ATP1A2: variants seen among roughly 807,000 people sequenced by gnomAD.
ATP1A2 encodes ATPase Na+/K+ transporting subunit alpha 2.
A neutral mutation model predicts 113.1 loss-of-function variants in ATP1A2; 56 were observed. The observed-to-expected ratio is 0.49, with a 90% confidence interval of 0.40 to 0.62. The LOEUF (loss-of-function observed/expected upper bound fraction) is 0.62, where lower values mean the gene tolerates loss of function less well. Ranked by LOEUF, ATP1A2 falls within the 20% of genes least tolerant of loss-of-function variation. ATP1A2 has a pLI of 0.00. For synonymous variants in ATP1A2, 490 were observed against 526.8 expected (o/e 0.93, Z 0.96); for missense variants, 712 against 1,357.8 (o/e 0.52, Z 7.47).
At chr1:160,116,651 A>G (rs1258251668) in intron 1 of ATP1A2, among the ~76,000 whole-genome samples, 1 of 152,118 alleles carries the variant, frequency 6.6e-6, no homozygotes, top group African/African-American at 2.4e-5. Context: ...CTTGGAAATG[A>G]AATTCCCATA....
chr1:160,129,347 G>A lies in ATP1A2; in HGVS notation c.1408G>A (p.Asp470Asn). ...LSCGSVRKMR[D>N]RNPKVAEIPF... ...CTGTGGCTCAGTGAGGAAAATGAGA[G>A]ACAGAAACCCCAAGGTGGCAGAGAT... The change falls in exon 11 of 23, where the codon GAC becomes AAC. Residue 470 changes from aspartate (D) to asparagine (N), a missense_variant. Asp to Asn is a conservative substitution (Grantham distance 23). Coordinates refer to ENST00000361216, the MANE Select transcript of ATP1A2 (RefSeq NM_000702.4). 1 of 1,614,174 alleles carries A rather than the reference G, an allele frequency of 6.2e-7. No individual in the cohort carries two copies. Among genetic ancestry groups the A allele is most frequent in the Non-Finnish European group, 8.5e-7 (1 of 1,180,036 alleles).
chr1:160,130,989 G>A (rs1328806085), intron 13 of ATP1A2, among the ~76,000 whole-genome samples: 2 of 152,136 alleles, frequency 1.3e-5, no homozygotes, highest in Non-Finnish European at 2.9e-5. Context: ...TGCTCCCAGT[G>A]GCTCAGCCCA....
At chr1:160,122,655 C>T (rs2854247) in intron 3 of ATP1A2, among the ~76,000 whole-genome samples, 145,506 of 152,218 alleles carry the variant, frequency 0.96, 69,890 homozygotes, top group East Asian at 1. Context: ...GTGACACTGA[C>T]GGTCAATAAT....
At chr1:160,126,323 G>A (rs572475234) in intron 7 of ATP1A2, among the ~76,000 whole-genome samples, 3 of 151,990 alleles carry the variant, frequency 2.0e-5, no homozygotes, top group African/African-American at 7.3e-5. Flanking sequence ...TTTTAAATTT[G>A]TATTATTTTT....
At chr1:160,128,442 T>C (rs1651653893) in intron 8 of ATP1A2, 2 of 1,463,410 alleles carry the variant, frequency 1.4e-6, no homozygotes. Context: ...GTCAAACGTC[T>C]TAAACCCCCT....
At chr1:160,124,266 A>T in intron 5 of ATP1A2, 30 bp from the exon 6 acceptor site, 1 of 1,578,762 alleles carries the variant, frequency 6.3e-7, no homozygotes, top group Non-Finnish European at 8.6e-7. Context: ...AGAGACAAGC[A>T]TTTCATGAGC....
intron 3 of ATP1A2, 161 bp downstream of exon 3, chr1:160,121,412 C>A: frequency 1.2e-6 from 1 of 831,736 alleles, no homozygotes; most frequent in Non-Finnish European, 2.0e-6. Flanking sequence ...TAGTTGGTGG[C>A]ACAGCCAGAA....
chr1:160,127,517 C>T lies in ATP1A2; in HGVS notation c.749-35C>T, dbSNP rs772312052. ...ATGGGACTGCAGTCCCTGGGAGCCA[C>T]AAGGCACCCAACCTGATGCCCCACC... On this transcript the variant is annotated intron_variant, in intron 7 of 22. Transcript: ENST00000361216. 2.0e-5 allele frequency: 32 copies of T among 1,613,670 alleles called. No homozygotes were observed. In the South Asian group the frequency reaches 2.2e-4, roughly 11 times the overall value.
At chr1:160,133,072 T>A (rs1651818833) in intron 13 of ATP1A2, among the ~76,000 whole-genome samples, 2 of 152,010 alleles carry the variant, frequency 1.3e-5, no homozygotes, top group Admixed American at 1.3e-4. Context: ...GTGTTTAAAC[T>A]TGAGCCCCTC....
At position 160,141,953 on chromosome 1, in the gene ATP1A2, G is replaced by C. The variant is rs976705833; in HGVS notation, c.*631G>C. 6.2e-6 allele frequency: 1 copy of C among 160,036 alleles called. No homozygotes were observed. Among genetic ancestry groups the C allele is most frequent in the African/African-American group, 2.4e-5 (1 of 41,566 alleles). The allele number at this position is 160,036 out of a possible 1,614,324, so 9.9% of individuals were successfully genotyped here. A position where few individuals can be genotyped will look rare whatever the true frequency, so the allele number is the denominator to read the frequency against. On this transcript the variant is annotated 3_prime_UTR_variant, in exon 23 of 23. Coordinates refer to ENST00000361216, the MANE Select transcript of ATP1A2 (RefSeq NM_000702.4). ...TGGCTGGAGGAAGGAAACAACAAAG[G>C]AAGTGAGGTAGTGCCAATGACAGGA...
rs758390876 is a variant in ATP1A2 at position 160,130,483 on chromosome 1, T to A, written c.1713T>A (p.Asp571Glu). The change falls in exon 13 of 23, where the codon GAT becomes GAA. Residue 571 changes from aspartate (D) to glutamate (E), a missense_variant. Transcript: ENST00000361216. ...CTCGGGGCTTCAAATTCGACACGGA[T>A]GAGCTGAACTTTCCCACGGAGAAGC... ...KFPRGFKFDTDELNFPTEKLC... is the reference protein window; with the variant it reads ...KFPRGFKFDTEELNFPTEKLC... The A allele has an allele frequency of 1.1e-5, 17 of 1,614,224 alleles. No homozygotes were observed. The highest frequency in any genetic ancestry group is 1.3e-5 in the Non-Finnish European group (15 of 1,180,038).
In ATP1A2 at chr1:160,128,965, C is replaced by A; in HGVS notation, c.1217-15C>A. ...AAGGGAGCCACGCTCCTGGTTCCCC[C>A]TCATTTCCTCCCAGGGGCCACTTTT... On this transcript the variant is annotated splice_polypyrimidine_tract_variant and intron_variant, in intron 9 of 22. Coordinates refer to ENST00000361216, the MANE Select transcript of ATP1A2 (RefSeq NM_000702.4). 1 of 1,597,410 alleles carries A rather than the reference C, an allele frequency of 6.3e-7. No homozygotes were observed.
At chr1:160,132,334 A>T (rs1651800195) in intron 13 of ATP1A2, among the ~76,000 whole-genome samples, 1 of 152,166 alleles carries the variant, frequency 6.6e-6, no homozygotes, top group African/African-American at 2.4e-5. Flanking sequence ...CCTGCAGGCC[A>T]CAGAGAGCCA....
Position 160,135,639 on chromosome 1 carries a change from T to C in ATP1A2, c.2284+37T>C, listed in dbSNP as rs755279342. On this transcript the variant is annotated intron_variant, in intron 16 of 22. Transcript: ENST00000361216. The surrounding 1 kb of genome is among the most constrained non-coding windows in gnomAD (Gnocchi z 6.3). ...GCATGGGTTGGGATGGTTTGCAGGA[T>C]ACTGAAGCCGGCACCTCTGTTCCCT... The C allele has an allele frequency of 9.3e-6, 15 of 1,612,556 alleles. 1 individual carries two copies. Among genetic ancestry groups the C allele is most frequent in the Non-Finnish European group, 1.3e-5 (15 of 1,179,998 alleles).
intron 13 of ATP1A2, among the ~76,000 whole-genome samples, chr1:160,131,760 G>A (rs1375190508): frequency 1.3e-5 from 2 of 152,004 alleles, no homozygotes; most frequent in Non-Finnish European, 2.9e-5. Flanking sequence ...GAACCCGGGA[G>A]GCAGAGGTTG....
intron 8 of ATP1A2, among the ~76,000 whole-genome samples, chr1:160,128,029 T>A (rs543707805): frequency 6.6e-6 from 1 of 152,316 alleles, no homozygotes; most frequent in South Asian, 2.1e-4. Context: ...CAGTTTCTCT[T>A]TTGGAGCTTG....
intron 8 of ATP1A2, 95 bp from the exon 9 acceptor site, chr1:160,128,557 T>C (rs1383844538): frequency 6.3e-7 from 1 of 1,587,178 alleles, no homozygotes; most frequent in African/African-American, 1.3e-5. Flanking sequence ...TGGAGTAGAA[T>C]CAGGGGAGGA....
intron 20 of ATP1A2, among the ~76,000 whole-genome samples, chr1:160,138,049 G>A (rs1366673250): frequency 6.6e-6 from 1 of 152,174 alleles, no homozygotes; most frequent in Non-Finnish European, 1.5e-5. Context: ...TGCACTGCAG[G>A]GATGACACAC....
At chr1:160,130,834 T>C (rs1651749534) in intron 13 of ATP1A2, among the ~76,000 whole-genome samples, 1 of 152,192 alleles carries the variant, frequency 6.6e-6, no homozygotes. Flanking sequence ...CTGGCACAGC[T>C]CTTTGTCCCA....
Sources: gnomAD v4.1 joint callset for allele counts (sites outside exome capture counted in the v4.1 genomes callset) on GRCh38, gnomAD v4.1.1 for gene constraint, Gnocchi (gnomAD v3.1) non-coding constraint, MANE v1.5 for transcripts, NCBI Gene and HGNC (gene_info 2026-07-23, HGNC 2026-07-21) for gene names.